NELL2: variants seen among roughly 807,000 people sequenced by gnomAD.
The protein encoded by NELL2 is protein kinase C-binding protein NELL2.
A neutral mutation model predicts 109.6 loss-of-function variants in NELL2; 41 were observed. That is an observed-to-expected ratio of 0.37 (90% confidence interval 0.29 to 0.49). NELL2 has a LOEUF of 0.49. Ranked by LOEUF, NELL2 falls within the 20% of genes least tolerant of loss-of-function variation. The pLI is 0.98. For missense variants in NELL2, 900 were observed against 1,008.3 expected, an observed-to-expected ratio of 0.89 and a Z score of 1.45; for synonymous variants, 355 against 344.7, an observed-to-expected ratio of 1.03 and a Z score of -0.33.
chr12:44,538,734 T>A (rs1184116713), intron 15 of NELL2, among the ~76,000 whole-genome samples: 3 of 152,168 alleles, frequency 2.0e-5, no homozygotes, highest in African/African-American at 7.2e-5. Flanking sequence ...TAAAGAAGCA[T>A]GTTTTCTTAA....
intron 11 of NELL2, among the ~76,000 whole-genome samples, chr12:44,705,720 C>A (rs1258532849): frequency 6.6e-6 from 1 of 152,092 alleles, no homozygotes; most frequent in Non-Finnish European, 1.5e-5. Context: ...TATATTTATT[C>A]TATATTAAAA....
At position 44,714,599 on chromosome 12, in the gene NELL2, CTT is replaced by C. The variant is rs776148339; in HGVS notation, c.1086+49_1086+50del. On this transcript the variant is annotated intron_variant, in intron 10 of 19. Transcript: ENST00000429094. ...GTTGAGCTAGTAAAGAAACTTTTAT[CTT>C]GTTTATAAATAGAAACAATTTTGAA... 3.9e-5 allele frequency: 45 copies of C among 1,167,826 alleles called. No homozygotes were observed. The African/African-American group carries it at 6.9e-4, about 18-fold the overall frequency. The allele number at this position is 1,167,826 out of a possible 1,614,324, so 72.3% of individuals were successfully genotyped here.
At chr12:44,897,706 A>G (rs1340841315) in intron 1 of NELL2, among the ~76,000 whole-genome samples, 3 of 152,128 alleles carry the variant, frequency 2.0e-5, no homozygotes, top group Non-Finnish European at 4.4e-5. Flanking sequence ...TTGGGCAGAC[A>G]CTGAGCTAGC....
chr12:44,570,368 G>A (rs1943818339), intron 15 of NELL2, among the ~76,000 whole-genome samples: 1 of 152,086 alleles, frequency 6.6e-6, no homozygotes, highest in Non-Finnish European at 1.5e-5. Flanking sequence ...ACATTTCTTT[G>A]TTGTCAAAAA....
rs746360970 is a variant in NELL2, at chr12:44,776,089, G to C, written c.824C>G (p.Thr275Ser). 12 of 1,614,024 alleles carry C rather than the reference G, an allele frequency of 7.4e-6. No homozygotes were observed. In the South Asian group the frequency reaches 1.2e-4, roughly 16 times the overall value. ...TTCTCGGTAGGTGGTTCCCTTCATGGTGCAAGTCCTTTCACAATAGCACTG... is the reference window on the plus strand; with the variant it reads ...TTCTCGGTAGGTGGTTCCCTTCATGCTGCAAGTCCTTTCACAATAGCACTG... ...LDQCYCERTC[T>S]MKGTTYREFE... is the part of the protein sequence containing the mutation. Residue 275 changes from threonine (T) to serine (S), a missense_variant, in exon 8 of 20, where the codon ACC (threonine) becomes AGC (serine). Thr to Ser is a moderately conservative substitution (Grantham distance 58). This residue lies in a region of NELL2 where 292 missense variants were observed against 265.3 expected (regional missense o/e 1.10). Coordinates refer to ENST00000429094, the MANE Select transcript of NELL2 (RefSeq NM_001145108.2).
chr12:44,803,908 T>C (rs1372241456), intron 3 of NELL2, among the ~76,000 whole-genome samples: 1 of 152,014 alleles, frequency 6.6e-6, no homozygotes, highest in Non-Finnish European at 1.5e-5. Flanking sequence ...TTATTTTAAA[T>C]ATAATGCTCA....
At chr12:44,910,315 A>T (rs1461585262) in intron 1 of NELL2, among the ~76,000 whole-genome samples, 2 of 152,038 alleles carry the variant, frequency 1.3e-5, no homozygotes, top group African/African-American at 4.8e-5. Context: ...AAAAGACATA[A>T]GAGACACTTT....
Position 44,617,484 on chromosome 12 carries a change from G to C in NELL2, c.1445-6514C>G, listed in dbSNP as rs565060112. On this transcript the variant is annotated intron_variant, in intron 13 of 19. Coordinates refer to ENST00000429094, the MANE Select transcript of NELL2 (RefSeq NM_001145108.2). The stretch of plus-strand genomic sequence containing the variant: ...GGGCGGATCACGAGGTCAGGAGATC[G>C]AGACCATCCTGGCTAAAACGGTGAA... Among the ~76,000 whole-genome samples, 6 of 107,072 alleles carry C rather than the reference G, an allele frequency of 5.6e-5. No individual in the cohort carries two copies. In the South Asian group the frequency reaches 1.3e-3, roughly 24 times the overall value. 70.2% of individuals were successfully genotyped at this position (107,072 alleles called of 152,430 possible). A position where few individuals can be genotyped will look rare whatever the true frequency, so the allele number is the denominator to read the frequency against.
At chr12:44,674,490 A>G (rs1182133816) in intron 12 of NELL2, among the ~76,000 whole-genome samples, 1 of 152,178 alleles carries the variant, frequency 6.6e-6, no homozygotes, top group East Asian at 1.9e-4. Context: ...TTTGCTGCAG[A>G]AGGAGCAAAA....
At chr12:44,912,947 T>C (rs535523073) in intron 1 of NELL2, among the ~76,000 whole-genome samples, 9 of 152,170 alleles carry the variant, frequency 5.9e-5, no homozygotes, top group Admixed American at 5.9e-4. Flanking sequence ...TGTGCCACTA[T>C]TAAGTGGGAA....
chr12:44,574,790 C>T (rs1220241612), intron 15 of NELL2, among the ~76,000 whole-genome samples: 1 of 152,150 alleles, frequency 6.6e-6, no homozygotes, highest in Non-Finnish European at 1.5e-5. Flanking sequence ...ATTTGCATGG[C>T]TTGCTCTCTT....
chr12:44,587,625 T>G (rs1014625521), intron 15 of NELL2, among the ~76,000 whole-genome samples: 7 of 152,052 alleles, frequency 4.6e-5, no homozygotes, highest in Non-Finnish European at 7.4e-5. Flanking sequence ...GTTTCAAGTA[T>G]GGATAGATAG....
chr12:44,849,969 G>A (rs995357378), intron 2 of NELL2, among the ~76,000 whole-genome samples: 1 of 152,154 alleles, frequency 6.6e-6, no homozygotes, highest in Non-Finnish European at 1.5e-5. Context: ...GAGAGTAATT[G>A]TGTGGGAGAG....
chr12:44,624,639 C>A (rs879206821), intron 13 of NELL2, among the ~76,000 whole-genome samples: 10 of 151,954 alleles, frequency 6.6e-5, no homozygotes, highest in Admixed American at 4.6e-4. Context: ...TCACAATATC[C>A]CTTTAAGGTA....
chr12:44,810,742 C>A (rs150799359), intron 3 of NELL2, among the ~76,000 whole-genome samples: 45 of 152,012 alleles, frequency 3.0e-4, no homozygotes, highest in African/African-American at 1.1e-3. Flanking sequence ...TTTTGAATGC[C>A]TTAATGATAA....
At chr12:44,733,355 C>G (rs1157188004) in intron 9 of NELL2, among the ~76,000 whole-genome samples, 2 of 151,874 alleles carry the variant, frequency 1.3e-5, no homozygotes, top group Admixed American at 6.6e-5. Context: ...TATATACATA[C>G]AATGGAATAT....
chr12:44,833,293 A>G (rs923206763), intron 2 of NELL2, among the ~76,000 whole-genome samples: 11 of 152,228 alleles, frequency 7.2e-5, no homozygotes, highest in Non-Finnish European at 1.3e-4. Context: ...TACAGGAATT[A>G]TACTGCAATA....
intron 1 of NELL2, among the ~76,000 whole-genome samples, chr12:44,899,029 G>A (rs1383191482): frequency 6.7e-6 from 1 of 149,866 alleles, no homozygotes; most frequent in East Asian, 2.0e-4. Context: ...TCAACTTAAT[G>A]AAATAAAGTA....
chr12:44,870,019 A>T (rs1047721192), intron 2 of NELL2, among the ~76,000 whole-genome samples: 1 of 152,146 alleles, frequency 6.6e-6, no homozygotes, highest in Non-Finnish European at 1.5e-5. Flanking sequence ...CATTGTTTAC[A>T]AGTTTTGCTT....
Sources: gnomAD v4.1 joint callset for allele counts (sites outside exome capture counted in the v4.1 genomes callset) on GRCh38, gnomAD v4.1.1 for gene constraint, gnomAD v4.1.1 regional missense constraint, MANE v1.5 for transcripts, NCBI Gene and HGNC (gene_info 2026-07-23, HGNC 2026-07-21) for gene names.